PSMB2: variants seen among roughly 807,000 people sequenced by gnomAD.
PSMB2 encodes the protein proteasome subunit beta type-2.
In PSMB2, 13 loss-of-function variants were observed where a neutral mutation model predicts 25.7. That is an observed-to-expected ratio of 0.51 (90% CI 0.33 to 0.80). The LOEUF (loss-of-function observed/expected upper bound fraction) is 0.80. Ranked by LOEUF, PSMB2 falls within the 30% of genes least tolerant of loss-of-function variation. PSMB2 has a pLI of 0.02. For missense variants in PSMB2, 202 were observed against 259.0 expected (o/e 0.78, Z 1.51); for synonymous variants, 87 against 96.2 (o/e 0.90, Z 0.56).
intron 3 of PSMB2, among the ~76,000 whole-genome samples, chr1:35,624,086 A>T (rs775188115): frequency 6.6e-6 from 1 of 152,230 alleles, no homozygotes; most frequent in African/African-American, 2.4e-5. Flanking sequence ...AATTAAGGCC[A>T]GAGTGTGGGG....
chr1:35,613,325 C>G (rs1489978001), intron 3 of PSMB2, among the ~76,000 whole-genome samples: 1 of 151,706 alleles, frequency 6.6e-6, no homozygotes, highest in Non-Finnish European at 1.5e-5. Flanking sequence ...ACTGCTTGAG[C>G]CTAGGAGTTC....
At position 35,631,271 on chromosome 1, in the gene PSMB2, T is replaced by C. The variant is rs1651086929; in HGVS notation, c.285+3A>G. 1.9e-6 allele frequency: 3 copies of C among 1,612,890 alleles called. No homozygotes were observed. The highest frequency in any genetic ancestry group is 1.3e-5 in the African/African-American group (1 of 75,022). On this transcript the variant is annotated splice_donor_region_variant and intron_variant, in intron 3 of 5. Transcript: ENST00000373237. Reference sequence around the variant, plus strand: ...ATCTAACAATGTCTGATATATTACTTACCCGACTCCGAAGACAGTCAGCCA... The same window carrying C: ...ATCTAACAATGTCTGATATATTACTCACCCGACTCCGAAGACAGTCAGCCA...
At chr1:35,618,532 G>T (rs972901790) in intron 3 of PSMB2, among the ~76,000 whole-genome samples, 2 of 151,942 alleles carry the variant, frequency 1.3e-5, no homozygotes, top group African/African-American at 4.8e-5. Context: ...GACATATGTG[G>T]TGGGGGGTGG....
At chr1:35,603,928 G>C (rs1448562422) in intron 5 of PSMB2, among the ~76,000 whole-genome samples, 1 of 151,554 alleles carries the variant, frequency 6.6e-6, no homozygotes, top group East Asian at 1.9e-4. Context: ...TCAGCTACTT[G>C]GGAGGATCGC....
intron 3 of PSMB2, among the ~76,000 whole-genome samples, chr1:35,616,484 C>A (rs1448196135): frequency 2.0e-5 from 3 of 152,206 alleles, no homozygotes; most frequent in Non-Finnish European, 4.4e-5. Context: ...CACACTATAG[C>A]CTCAAACTCC....
At chr1:35,625,290 T>C (rs971616009) in intron 3 of PSMB2, among the ~76,000 whole-genome samples, 7 of 152,168 alleles carry the variant, frequency 4.6e-5, no homozygotes, top group African/African-American at 1.4e-4. Context: ...AGTGTGGCAG[T>C]GAAACCCGAC....
At chr1:35,617,935 G>T (rs974806165) in intron 3 of PSMB2, among the ~76,000 whole-genome samples, 16 of 152,132 alleles carry the variant, frequency 1.1e-4, no homozygotes, top group South Asian at 6.2e-4. Flanking sequence ...TGGTTAATTG[G>T]TGCCAAGGAA....
chr1:35,610,893 G>A (rs999571117), intron 3 of PSMB2, among the ~76,000 whole-genome samples: 1 of 152,194 alleles, frequency 6.6e-6, no homozygotes, highest in Non-Finnish European at 1.5e-5. Flanking sequence ...TGGATTTATA[G>A]GTATCCTTTC....
intron 3 of PSMB2, among the ~76,000 whole-genome samples, chr1:35,618,941 A>G (rs957869988): frequency 6.6e-6 from 1 of 152,228 alleles, no homozygotes; most frequent in East Asian, 1.9e-4. Context: ...ATAAATTCTC[A>G]TACTATACTG....
rs1650056853 is a variant in PSMB2 at position 35,603,205 on chromosome 1, G to A, written c.*62C>T. On this transcript the variant is annotated 3_prime_UTR_variant, in exon 6 of 6. Coordinates refer to ENST00000373237, the MANE Select transcript of PSMB2 (RefSeq NM_002794.5). ...ATCAAGAGTGCGCCTGAAAAGAGTAGAAAAAAATAAAGGAGCCCATCAAAA... is the reference window on the plus strand; with the variant it reads ...ATCAAGAGTGCGCCTGAAAAGAGTAAAAAAAAATAAAGGAGCCCATCAAAA... 1 of 1,579,438 alleles carries A rather than the reference G, an allele frequency of 6.3e-7. No homozygotes were observed. Among genetic ancestry groups the A allele is most frequent in the Non-Finnish European group, 8.6e-7 (1 of 1,168,400 alleles).
intron 3 of PSMB2, among the ~76,000 whole-genome samples, chr1:35,615,415 G>A (rs1165119961): frequency 6.6e-6 from 1 of 152,210 alleles, no homozygotes; most frequent in Non-Finnish European, 1.5e-5. Flanking sequence ...GTTAGATTAA[G>A]TGTTCCCTTC....
At chr1:35,636,571 C>T in intron 1 of PSMB2, 139 bp from the exon 2 acceptor site, 1 of 958,606 alleles carries the variant, frequency 1.0e-6, no homozygotes, top group Non-Finnish European at 1.5e-6. Flanking sequence ...ATTCAACAAA[C>T]TATGGATCAA....
chr1:35,624,520 A>AG (rs1361035493), intron 3 of PSMB2, among the ~76,000 whole-genome samples: 1 of 152,186 alleles, frequency 6.6e-6, no homozygotes, highest in Non-Finnish European at 1.5e-5. Context: ...TGGGAGGCTG[A>AG]GGTGGGCAGA....
At chr1:35,636,488 T>C in intron 1 of PSMB2, 56 bp from the exon 2 acceptor site, 1 of 1,589,174 alleles carries the variant, frequency 6.3e-7, no homozygotes, top group Non-Finnish European at 8.6e-7. Context: ...TGACCGTCAT[T>C]ATTTATGTAA....
Position 35,601,775 on chromosome 1 carries a change from CAG to C in PSMB2, c.*1490_*1491del. 4.1e-6 allele frequency: 4 copies of C among 985,362 alleles called. No individual in the cohort carries two copies. The highest frequency in any genetic ancestry group is 4.8e-6 in the Non-Finnish European group (4 of 829,888). 61.0% of individuals were successfully genotyped at this position (985,362 alleles called of 1,614,324 possible). On this transcript the variant is annotated 3_prime_UTR_variant, in exon 6 of 6. Coordinates refer to ENST00000373237, the MANE Select transcript of PSMB2 (RefSeq NM_002794.5). ...TATGTGGTTCCTAGACCAGCAGCAT[CAG>C]TAGCAACTGGAAATGTGAGATGAAC...
Position 35,600,073 on chromosome 1 carries a change from G to T in PSMB2, c.*3194C>A. On this transcript the variant is annotated 3_prime_UTR_variant, in exon 6 of 6. Transcript: ENST00000373237. ...TTCACTTGAGCCCAGGAGTTCAAGT[G>T]AACTTACTGCAGTAAGCTACGATCG... 1 of 760,292 alleles carries T rather than the reference G, an allele frequency of 1.3e-6. No homozygotes were observed. The highest frequency in any genetic ancestry group is 1.6e-6 in the Non-Finnish European group (1 of 624,832). The allele number at this position is 760,292 out of a possible 1,614,324, so 47.1% of individuals were successfully genotyped here.
At chr1:35,624,359 A>T (rs1333433353) in intron 3 of PSMB2, among the ~76,000 whole-genome samples, 1 of 152,200 alleles carries the variant, frequency 6.6e-6, no homozygotes, top group Non-Finnish European at 1.5e-5. Flanking sequence ...TTTGGTGGTA[A>T]GGGAACAGTG....
At chr1:35,628,597 ATATATATATATAT>A (rs1466269384) in intron 3 of PSMB2, among the ~76,000 whole-genome samples, 94 of 21,562 alleles carry the variant, frequency 4.4e-3, no homozygotes, top group South Asian at 0.012. Context: ...AAAAAAAAAA[ATATATATATATAT>A]ATATATATAT....
chr1:35,623,959 C>T (rs1650772553), intron 3 of PSMB2, among the ~76,000 whole-genome samples: 1 of 152,126 alleles, frequency 6.6e-6, no homozygotes, highest in African/African-American at 2.4e-5. Flanking sequence ...GTGCCAGCCA[C>T]CTAAGGCATG....
Sources: gnomAD v4.1 joint callset for allele counts (sites outside exome capture counted in the v4.1 genomes callset) on GRCh38, gnomAD v4.1.1 for gene constraint, MANE v1.5 for transcripts, NCBI Gene and HGNC (gene_info 2026-07-23, HGNC 2026-07-21) for gene names.